The following PMM2 variants were observed in gnomAD, a reference collection of about 807,000 sequenced individuals.
The protein encoded by PMM2 is mannose-6-phosphate isomerase.
PMM2 carries 35 observed loss-of-function variants against 33.2 expected under a neutral mutation model. The ratio of observed to expected loss-of-function variants is 1.06; its 90% CI spans 0.81 to 1.40. The LOEUF (loss-of-function observed/expected upper bound fraction) is 1.40, where lower values mean the gene tolerates loss of function less well. PMM2 is among the 40% of genes most tolerant of loss of function. PMM2 has a pLI of 0.00. For synonymous variants in PMM2, 153 were observed against 114.7 expected, an observed-to-expected ratio of 1.33 and a Z score of -2.13; for missense variants, 386 against 306.0, an observed-to-expected ratio of 1.26 and a Z score of -1.95.
chr16:8,833,837 G>A (rs900130109), intron 7 of PMM2, among the ~76,000 whole-genome samples: 20 of 152,286 alleles, frequency 1.3e-4, no homozygotes, highest in African/African-American at 4.8e-4. Flanking sequence ...AGGAGATTCA[G>A]CATAGTCCTG....
chr16:8,811,266 A>C, intron 5 of PMM2, 88 bp downstream of exon 5: 1 of 942,022 alleles, frequency 1.1e-6, no homozygotes. Flanking sequence ...CTGTAATCCC[A>C]ACACTTTGGG....
chr16:8,837,554 A>G (rs1351541488), intron 7 of PMM2, among the ~76,000 whole-genome samples: 1 of 151,524 alleles, frequency 6.6e-6, no homozygotes, highest in African/African-American at 2.4e-5. Flanking sequence ...CCAGAAAAGC[A>G]GAGAAGGGGT....
chr16:8,838,677 A>G (rs1407603200), intron 7 of PMM2, among the ~76,000 whole-genome samples: 2 of 152,052 alleles, frequency 1.3e-5, no homozygotes, highest in African/African-American at 4.8e-5. Flanking sequence ...TGAGAAACTA[A>G]ACAGAAGATC....
At chr16:8,832,383 A>C (rs1318317015) in intron 7 of PMM2, 1 of 985,410 alleles carries the variant, frequency 1.0e-6, no homozygotes. Context: ...TTGATTCTCC[A>C]GACCTAGCTT....
chr16:8,840,653 G>A lies in PMM2; in HGVS notation c.640-7071G>A, dbSNP rs369497561. Among the ~76,000 whole-genome samples, 27 of 152,112 alleles carry A rather than the reference G, an allele frequency of 1.8e-4. No homozygotes were observed. The East Asian group carries it at 3.7e-3, about 21-fold the overall frequency. On this transcript the variant is annotated intron_variant, in intron 7 of 7. Transcript: ENST00000268261. Reference sequence around the variant, plus strand: ...TTAAGGGAAGTAGGGGAGAGTACTTGCAACTTCCAGGAGGAAGAGGAGGGA... The same window carrying A: ...TTAAGGGAAGTAGGGGAGAGTACTTACAACTTCCAGGAGGAAGAGGAGGGA...
rs138306798 is a variant in PMM2, at chr16:8,801,872, C to T, written c.140C>T (p.Ser47Leu). Residue 47 changes from serine (S) to leucine (L), a missense_variant, in exon 2 of 8, where the codon TCG becomes TTG. Physicochemically the swap from Ser to Leu is moderately radical, Grantham distance 145. Coordinates refer to ENST00000268261, the MANE Select transcript of PMM2 (RefSeq NM_000303.3). Reference protein sequence around the residue: ...QKIKIGVVGGSDFEKVQEQLG... With the variant: ...QKIKIGVVGGLDFEKVQEQLG... ...ATCAAAATCGGAGTGGTAGGCGGAT[C>T]GGACTTTGAGAAAGTGCAGGAGCAA... is the stretch of plus-strand genomic sequence containing the variant. The T allele has an allele frequency of 4.2e-5, 68 of 1,611,708 alleles. No individual in the cohort carries two copies. Among genetic ancestry groups the T allele is most frequent in the Non-Finnish European group, 5.5e-5 (65 of 1,178,336 alleles).
intron 7 of PMM2, among the ~76,000 whole-genome samples, chr16:8,844,211 G>A (rs1176294042): frequency 6.6e-6 from 1 of 152,198 alleles, no homozygotes; most frequent in African/African-American, 2.4e-5. Context: ...GGTCAGGTAT[G>A]AGTTGAAGAG....
At position 8,835,518 on chromosome 16, in the gene PMM2, C is replaced by T. The variant is rs145300430; in HGVS notation, c.640-12206C>T. The stretch of plus-strand genomic sequence containing the variant: ...TAGTAAAGAAAGCATGTTTGAGATC[C>T]AGAACAGAATAATGGGTAGTAGATG... On this transcript the variant is annotated intron_variant, in intron 7 of 7. Coordinates refer to ENST00000268261, the MANE Select transcript of PMM2 (RefSeq NM_000303.3). Among the ~76,000 whole-genome samples, 552 of 151,996 alleles carry T rather than the reference C, an allele frequency of 3.6e-3. 4 individuals are homozygous for T. The highest frequency in any genetic ancestry group is 0.013 in the African/African-American group (520 of 41,450).
chr16:8,802,700 G>A (rs559051312), intron 2 of PMM2, among the ~76,000 whole-genome samples: 2 of 151,994 alleles, frequency 1.3e-5, no homozygotes, highest in East Asian at 3.9e-4. Flanking sequence ...CGTGATGACG[G>A]GCACCTGTAA....
chr16:8,807,310 T>G (rs2060653333), intron 4 of PMM2, among the ~76,000 whole-genome samples: 1 of 152,090 alleles, frequency 6.6e-6, no homozygotes. Flanking sequence ...CCCAGCCTGA[T>G]TTTATGTTTT....
chr16:8,813,864 T>C (rs927660276), intron 7 of PMM2, among the ~76,000 whole-genome samples: 25 of 139,150 alleles, frequency 1.8e-4, no homozygotes, highest in Non-Finnish European at 2.7e-4. Context: ...TCTCTTTTTT[T>C]TTTTTTTTTT....
intron 6 of PMM2, among the ~76,000 whole-genome samples, chr16:8,812,008 T>C (rs1023054791): frequency 6.6e-6 from 1 of 152,218 alleles, no homozygotes; most frequent in African/African-American, 2.4e-5. Flanking sequence ...CTTTGATTAC[T>C]AAAGAGTAGG....
At chr16:8,840,694 G>A (rs982038658) in intron 7 of PMM2, among the ~76,000 whole-genome samples, 3 of 151,664 alleles carry the variant, frequency 2.0e-5, no homozygotes, top group Non-Finnish European at 2.9e-5. Context: ...CTGGCTGTCC[G>A]ATGGACACAG....
At chr16:8,800,958 C>T (rs1428981736) in intron 1 of PMM2, among the ~76,000 whole-genome samples, 1 of 152,236 alleles carries the variant, frequency 6.6e-6, no homozygotes, top group African/African-American at 2.4e-5. Context: ...GCCGGGATTA[C>T]AGGCATGAGC....
chr16:8,848,096 T>C lies in PMM2; in HGVS notation c.*271T>C, dbSNP rs1161521281. On this transcript the variant is annotated 3_prime_UTR_variant, in exon 8 of 8. Transcript: ENST00000268261. Reference sequence around the variant, plus strand: ...CAGCCCCCTAGTCTAATACCCACCCTGATACGTGCAATCATGTAGTTTTGG... The same window carrying C: ...CAGCCCCCTAGTCTAATACCCACCCCGATACGTGCAATCATGTAGTTTTGG... The C allele has an allele frequency of 2.8e-5, 12 of 435,980 alleles. No individual in the cohort carries two copies. The highest frequency in any genetic ancestry group is 7.3e-5 in the African/African-American group (3 of 41,150). The allele number at this position is 435,980 out of a possible 1,614,324, so 27.0% of individuals were successfully genotyped here. A position where few individuals can be genotyped will look rare whatever the true frequency, so the allele number is the denominator to read the frequency against.
At chr16:8,827,489 G>T (rs1179512223) in intron 7 of PMM2, among the ~76,000 whole-genome samples, 1 of 149,870 alleles carries the variant, frequency 6.7e-6, no homozygotes, top group Non-Finnish European at 1.5e-5. Flanking sequence ...TCTGCCTCCC[G>T]GGTTCAAGTG....
At chr16:8,811,313 C>G in intron 5 of PMM2, 135 bp downstream of exon 5, 1 of 719,894 alleles carries the variant, frequency 1.4e-6, no homozygotes, top group South Asian at 1.5e-5. Flanking sequence ...CCCAGGAGTT[C>G]AAGACCAGCC....
In PMM2 at chr16:8,833,872, CAA is replaced by C. The variant is rs572414039; in HGVS notation, c.640-13851_640-13850del. Among the ~76,000 whole-genome samples the C allele has an allele frequency of 8.3e-3, 1,262 of 152,194 alleles. 16 individuals carry two copies. The highest frequency in any genetic ancestry group is 0.029 in the African/African-American group (1,215 of 41,514). Reference sequence around the variant, plus strand: ...GCCAGCAAAGATTATTTATTTACCTCAAGAGTTTAGAGTGGCAGTTTGGGGAT... The same window carrying C: ...GCCAGCAAAGATTATTTATTTACCTCGAGTTTAGAGTGGCAGTTTGGGGAT... On this transcript the variant is annotated intron_variant, in intron 7 of 7. Coordinates refer to ENST00000268261, the MANE Select transcript of PMM2 (RefSeq NM_000303.3).
In PMM2 at chr16:8,804,749, T is replaced by C; in HGVS notation, c.179-18T>C. The stretch of plus-strand genomic sequence containing the variant: ...TTGATTCTTTGCATTCTAAGTGTTT[T>C]TTTGGTTTTGATTGTAGTGGTTGAA... On this transcript the variant is annotated intron_variant, in intron 2 of 7. Coordinates refer to ENST00000268261, the MANE Select transcript of PMM2 (RefSeq NM_000303.3). 1.9e-6 allele frequency: 3 copies of C among 1,590,476 alleles called. No individual in the cohort carries two copies. In the South Asian group the frequency reaches 3.3e-5, roughly 18 times the overall value.
Sources: gnomAD v4.1 joint callset for allele counts (sites outside exome capture counted in the v4.1 genomes callset) on GRCh38, gnomAD v4.1.1 for gene constraint, MANE v1.5 for transcripts, NCBI Gene and HGNC (gene_info 2026-07-23, HGNC 2026-07-21) for gene names.